The following ARID4B variants were observed in gnomAD, a reference collection of about 807,000 sequenced individuals.
The protein encoded by ARID4B is AT-rich interaction domain 4B, also known as AT-rich interactive domain-containing protein 4B.
Under a neutral mutation model 147.5 loss-of-function variants are expected in ARID4B, and 26 were observed. The ratio of observed to expected loss-of-function variants is 0.18; its 90% confidence interval spans 0.13 to 0.24. ARID4B has a LOEUF of 0.24. Ranked by LOEUF, ARID4B falls within the 10% of genes least tolerant of loss-of-function variation. The pLI is 1.00. For synonymous variants in ARID4B, 512 were observed against 507.9 expected (o/e 1.01, Z -0.11); for missense variants, 1,179 against 1,511.5 (o/e 0.78, Z 3.65).
chr1:235,174,522 TG>T (rs1381231221), intron 22 of ARID4B, among the ~76,000 whole-genome samples: 3 of 152,028 alleles, frequency 2.0e-5, no homozygotes, highest in African/African-American at 7.2e-5. Flanking sequence ...GGATTGGGGC[TG>T]GGCATGGTGG....
chr1:235,302,164 A>AAAAAC (rs1673202449), intron 2 of ARID4B, among the ~76,000 whole-genome samples: 5 of 146,332 alleles, frequency 3.4e-5, no homozygotes, highest in Non-Finnish European at 6.0e-5. Flanking sequence ...AAAAAAAAAA[A>AAAAAC]AAAAAAAAAA....
chr1:235,259,332 G>T (rs1670161386), intron 3 of ARID4B, among the ~76,000 whole-genome samples: 1 of 152,218 alleles, frequency 6.6e-6, no homozygotes, highest in Admixed American at 6.5e-5. Context: ...GCCAAAGCAT[G>T]GGTCCTGGAG....
intron 17 of ARID4B, among the ~76,000 whole-genome samples, chr1:235,199,956 C>T (rs1351023935): frequency 6.6e-6 from 1 of 151,342 alleles, no homozygotes; most frequent in Non-Finnish European, 1.5e-5. Context: ...ACAATACTAC[C>T]CAAGTGTTCC....
chr1:235,178,518 G>A (rs143922975), intron 20 of ARID4B, among the ~76,000 whole-genome samples: 240 of 152,026 alleles, frequency 1.6e-3, no homozygotes, highest in Non-Finnish European at 2.6e-3. Context: ...GGAAATTATT[G>A]CAAAACATTA....
rs181953539 is a variant in ARID4B at position 235,226,813 on chromosome 1, C to T, written c.898-2038G>A. Among the ~76,000 whole-genome samples the T allele has an allele frequency of 5.6e-4, 85 of 152,176 alleles. 1 individual carries two copies. The East Asian group carries it at 0.014, about 26-fold the overall frequency. On this transcript the variant is annotated intron_variant, in intron 11 of 23. Transcript: ENST00000264183. ...TGCTGGGATTACAGGCGTGAGCCAC[C>T]GCGCCCAGCCACACCCAGCTAATTT...
intron 2 of ARID4B, among the ~76,000 whole-genome samples, chr1:235,297,456 A>G (rs1672817318): frequency 6.6e-6 from 1 of 152,218 alleles, no homozygotes. Context: ...TTTTCTTTAC[A>G]AAAGAATTTC....
At chr1:235,316,607 T>C (rs1000831991) in intron 2 of ARID4B, among the ~76,000 whole-genome samples, 2 of 151,472 alleles carry the variant, frequency 1.3e-5, no homozygotes, top group African/African-American at 4.9e-5. Context: ...ACCTGAGGTC[T>C]GGAGTTCGAG....
intron 2 of ARID4B, among the ~76,000 whole-genome samples, chr1:235,292,646 A>T (rs1403520095): frequency 6.6e-6 from 1 of 151,770 alleles, no homozygotes; most frequent in East Asian, 1.9e-4. Context: ...CAAATTTTCC[A>T]TCTACAGTGA....
rs1436979295 is a variant in ARID4B, at chr1:235,291,498, A to AT, written c.7-30747dup. 7.2e-5 allele frequency among the ~76,000 whole-genome samples: 11 copies of AT among 152,076 alleles called. No homozygotes were observed. In the South Asian group the frequency reaches 1.2e-3, roughly 17 times the overall value. ...TGATTTTTACACTTAGAATGGTTTA[A>AT]TTTTTTTGGTGTGCAAGTTATACCT... On this transcript the variant is annotated intron_variant, in intron 2 of 23. Transcript: ENST00000264183.
chr1:235,193,943 T>C (rs1665299990), intron 19 of ARID4B, 70 bp downstream of exon 19: 2 of 1,224,086 alleles, frequency 1.6e-6, no homozygotes, highest in Non-Finnish European at 2.3e-6. Context: ...TGTCACTGAA[T>C]TACCTTTATA....
intron 2 of ARID4B, among the ~76,000 whole-genome samples, chr1:235,289,672 C>A (rs1236291785): frequency 6.6e-6 from 1 of 150,734 alleles, no homozygotes; most frequent in Non-Finnish European, 1.5e-5. Flanking sequence ...CTGCAGTAAG[C>A]CGTTATTGGA....
chr1:235,199,110 C>T (rs1160220718), intron 17 of ARID4B, among the ~76,000 whole-genome samples: 1 of 151,602 alleles, frequency 6.6e-6, no homozygotes, highest in Non-Finnish European at 1.5e-5. Flanking sequence ...AAAAACAAAA[C>T]AAAAAAAATT....
rs568849641 is a variant in ARID4B at position 235,277,517 on chromosome 1, C to T, written c.7-16765G>A. Among the ~76,000 whole-genome samples the T allele has an allele frequency of 3.8e-3, 531 of 141,588 alleles. 3 individuals carry two copies. Among genetic ancestry groups the T allele is most frequent in the Middle Eastern group, 0.015 (4 of 262 alleles). The allele number at this position is 141,588 out of a possible 152,430, so 92.9% of individuals were successfully genotyped here. A position where few individuals can be genotyped will look rare whatever the true frequency, so the allele number is the denominator to read the frequency against. ...TCCCGCCACTGCACTCCAGCCTGGG[C>T]GACAGCGAGACTCCGTCTCAAAAAA... On this transcript the variant is annotated intron_variant, in intron 2 of 23. Coordinates refer to ENST00000264183, the MANE Select transcript of ARID4B (RefSeq NM_016374.6).
At chr1:235,294,610 C>T (rs1250182261) in intron 2 of ARID4B, among the ~76,000 whole-genome samples, 1 of 137,676 alleles carries the variant, frequency 7.3e-6, no homozygotes, top group South Asian at 2.5e-4. Flanking sequence ...GCAATTCTCC[C>T]GCTTGAACCC....
chr1:235,273,365 A>C (rs1488576568), intron 2 of ARID4B, among the ~76,000 whole-genome samples: 1 of 152,186 alleles, frequency 6.6e-6, no homozygotes, highest in Non-Finnish European at 1.5e-5. Flanking sequence ...TCTTAAACTT[A>C]AAAAAAGTAA....
chr1:235,200,003 G>GA (rs61519256), intron 17 of ARID4B, among the ~76,000 whole-genome samples: 20,793 of 124,416 alleles, frequency 0.17, 1,887 homozygotes, highest in African/African-American at 0.27. Flanking sequence ...AAAGAATAGG[G>GA]AAAAAAAAAA....
intron 2 of ARID4B, among the ~76,000 whole-genome samples, chr1:235,286,224 G>A (rs1279921680): frequency 6.6e-6 from 1 of 152,130 alleles, no homozygotes; most frequent in Admixed American, 6.5e-5. Context: ...TGTAGAGACA[G>A]GGTCTCACTA....
At chr1:235,301,790 C>A (rs1474271087) in intron 2 of ARID4B, among the ~76,000 whole-genome samples, 2 of 151,744 alleles carry the variant, frequency 1.3e-5, no homozygotes, top group Non-Finnish European at 2.9e-5. Flanking sequence ...TCTCAGCTCA[C>A]TGCAACCTCT....
At chr1:235,281,433 C>A (rs962940171) in intron 2 of ARID4B, among the ~76,000 whole-genome samples, 8 of 151,686 alleles carry the variant, frequency 5.3e-5, no homozygotes, top group African/African-American at 1.9e-4. Context: ...TGCTTGTAGT[C>A]CCAGCTACAC....
Sources: gnomAD v4.1 joint callset for allele counts (sites outside exome capture counted in the v4.1 genomes callset) on GRCh38, gnomAD v4.1.1 for gene constraint, MANE v1.5 for transcripts, NCBI Gene and HGNC (gene_info 2026-07-23, HGNC 2026-07-21) for gene names.